The following CCDC91 variants were observed in gnomAD, a reference collection of about 807,000 sequenced individuals.
CCDC91 encodes coiled-coil domain-containing protein 91.
CCDC91 carries 48 observed loss-of-function variants against 63.2 expected under a neutral mutation model. That is an observed-to-expected ratio of 0.76 (90% CI 0.60 to 0.97). The LOEUF (loss-of-function observed/expected upper bound fraction) is 0.97. Ranked by LOEUF, CCDC91 falls within the 50% of genes least tolerant of loss-of-function variation. The pLI is 0.00. For synonymous variants in CCDC91, 167 were observed against 165.8 expected (o/e 1.01, Z -0.06); for missense variants, 500 against 494.6 (o/e 1.01, Z -0.10).
intron 11 of CCDC91, among the ~76,000 whole-genome samples, chr12:28,477,787 G>A (rs576429538): frequency 2.0e-5 from 3 of 152,186 alleles, no homozygotes; most frequent in South Asian, 2.1e-4. Context: ...AAATCAATGT[G>A]CAAAAATCAC....
intron 11 of CCDC91, among the ~76,000 whole-genome samples, chr12:28,459,774 ACT>A (rs1404126158): frequency 6.6e-6 from 1 of 152,046 alleles, no homozygotes; most frequent in African/African-American, 2.4e-5. Flanking sequence ...AAAGTAGTAC[ACT>A]CTCTCTCACT....
rs185398626 is a variant in CCDC91 at position 28,257,118 on chromosome 12, A to C, written c.-14-84A>C. The C allele has an allele frequency of 4.6e-5, 36 of 786,098 alleles. 1 individual carries two copies. In the Admixed American group the frequency reaches 7.7e-4, roughly 17 times the overall value. 48.7% of individuals were successfully genotyped at this position (786,098 alleles called of 1,614,324 possible). A position where few individuals can be genotyped will look rare whatever the true frequency, so the allele number is the denominator to read the frequency against. ...GTTAGAAATTCTAATTTACAAATAA[A>C]TATGTATACATTTAAGTTGGAGAGT... On this transcript the variant is annotated intron_variant, in intron 1 of 12. Coordinates refer to ENST00000536442, the MANE Select transcript of CCDC91 (RefSeq NM_018318.5).
At chr12:28,300,478 A>C (rs1937945043) in intron 3 of CCDC91, among the ~76,000 whole-genome samples, 1 of 150,816 alleles carries the variant, frequency 6.6e-6, no homozygotes, top group African/African-American at 2.4e-5. Context: ...AGATTGTATA[A>C]CATAATTTAA....
chr12:28,318,431 C>T (rs1940135209), intron 6 of CCDC91, among the ~76,000 whole-genome samples: 1 of 151,758 alleles, frequency 6.6e-6, no homozygotes, highest in Non-Finnish European at 1.5e-5. Flanking sequence ...GTCCTAGCTA[C>T]TTGGTAGGCT....
chr12:28,257,930 ATT>A (rs71438740), intron 2 of CCDC91, among the ~76,000 whole-genome samples: 4 of 143,250 alleles, frequency 2.8e-5, no homozygotes, highest in Admixed American at 7.0e-5. Context: ...GAATGCTGTG[ATT>A]TTTTTTTTTT....
At chr12:28,435,588 G>A (rs770044207) in intron 8 of CCDC91, among the ~76,000 whole-genome samples, 1 of 151,764 alleles carries the variant, frequency 6.6e-6, no homozygotes, top group Non-Finnish European at 1.5e-5. Context: ...TTATTGTGCT[G>A]TTGTTGGATG....
intron 8 of CCDC91, among the ~76,000 whole-genome samples, chr12:28,402,294 G>C (rs1946670158): frequency 6.6e-6 from 1 of 152,160 alleles, no homozygotes; most frequent in East Asian, 1.9e-4. Flanking sequence ...TTTTTGAATA[G>C]TTCTTTGATT....
chr12:28,407,698 A>G (rs1232723765), intron 8 of CCDC91, among the ~76,000 whole-genome samples: 1 of 152,136 alleles, frequency 6.6e-6, no homozygotes, highest in Non-Finnish European at 1.5e-5. Context: ...CATTTTCACA[A>G]TATTGAGTCT....
At chr12:28,514,683 T>C (rs550486014) in intron 12 of CCDC91, among the ~76,000 whole-genome samples, 1 of 151,966 alleles carries the variant, frequency 6.6e-6, no homozygotes, top group East Asian at 2.0e-4. Flanking sequence ...AAGGAAGGGG[T>C]CCAGTTTCAG....
At chr12:28,405,004 A>G (rs1276239602) in intron 8 of CCDC91, among the ~76,000 whole-genome samples, 2 of 152,018 alleles carry the variant, frequency 1.3e-5, no homozygotes, top group South Asian at 2.1e-4. Context: ...TGACATTTAC[A>G]ATGATTATTG....
intron 12 of CCDC91, among the ~76,000 whole-genome samples, chr12:28,546,298 G>T (rs982349075): frequency 1.3e-5 from 2 of 152,002 alleles, no homozygotes; most frequent in Admixed American, 6.6e-5. Context: ...CTGTAGTCTG[G>T]TCACTTCCTT....
intron 1 of CCDC91, among the ~76,000 whole-genome samples, chr12:28,212,092 C>CTTA (rs1233195973): frequency 6.6e-6 from 1 of 152,150 alleles, no homozygotes; most frequent in African/African-American, 2.4e-5. Flanking sequence ...TTACCGCAAT[C>CTTA]CCCAGCCACT....
intron 1 of CCDC91, among the ~76,000 whole-genome samples, chr12:28,205,293 C>T (rs1202358547): frequency 1.3e-5 from 2 of 150,632 alleles, no homozygotes; most frequent in African/African-American, 2.4e-5. Context: ...GGATTAAAGT[C>T]TATATGAATT....
At chr12:28,399,007 C>A (rs1946456059) in intron 8 of CCDC91, among the ~76,000 whole-genome samples, 1 of 151,994 alleles carries the variant, frequency 6.6e-6, no homozygotes, top group Non-Finnish European at 1.5e-5. Flanking sequence ...TCAAATTTAT[C>A]ATTGTTATTA....
chr12:28,198,933 T>A (rs1211840060), intron 1 of CCDC91: 4 of 152,066 alleles, frequency 2.6e-5, no homozygotes, highest in Non-Finnish European at 5.9e-5. Flanking sequence ...TCTCTTTTTT[T>A]TTTTTTAAGA....
intron 6 of CCDC91, among the ~76,000 whole-genome samples, chr12:28,337,832 TTTCCTTTTGGGA>T (rs1208180886): frequency 6.6e-6 from 1 of 152,158 alleles, no homozygotes; most frequent in African/African-American, 2.4e-5. Context: ...TTTGAACATT[TTTCCTTTTGGGA>T]TTGCAATATT....
chr12:28,279,879 G>A (rs199980891), intron 3 of CCDC91, among the ~76,000 whole-genome samples: 2 of 146,528 alleles, frequency 1.4e-5, no homozygotes, highest in African/African-American at 2.4e-5. Context: ...ATATCTCTGT[G>A]TATATATACG....
At chr12:28,196,550 A>G (rs2121320717) in intron 1 of CCDC91, among the ~76,000 whole-genome samples, 1 of 152,336 alleles carries the variant, frequency 6.6e-6, no homozygotes, top group East Asian at 1.9e-4. Context: ...GAGAAGGTAT[A>G]CAGTCTTTTA....
chr12:28,533,328 T>C (rs1205439316), intron 12 of CCDC91, among the ~76,000 whole-genome samples: 2 of 152,088 alleles, frequency 1.3e-5, no homozygotes, highest in Admixed American at 6.6e-5. Context: ...CAGACACCTA[T>C]AGTCTTAATT....
Sources: allele counts gnomAD v4.1 joint callset (sites outside exome capture counted in the v4.1 genomes callset), GRCh38; gene constraint gnomAD v4.1.1; transcripts MANE v1.5; gene names NCBI Gene and HGNC (gene_info 2026-07-23, HGNC 2026-07-21).